Variants in DMD observed in about 807,000 individuals in gnomAD.
The protein encoded by DMD is dystrophin.
Under a neutral mutation model 330.1 loss-of-function variants are expected in DMD, and 63 were observed. The observed-to-expected ratio is 0.19, with a 90% CI of 0.16 to 0.24. The LOEUF (loss-of-function observed/expected upper bound fraction) is 0.24. DMD is among the 10% of genes least tolerant of loss of function. The probability of loss-of-function intolerance (pLI) is 1.00; values close to 1 mark genes in which losing one functional copy is unlikely to be tolerated. For synonymous variants in DMD, 1,223 were observed against 959.8 expected, an observed-to-expected ratio of 1.27 and a Z score of -5.07; for missense variants, 3,344 against 2,684.1, an observed-to-expected ratio of 1.25 and a Z score of -5.43.
chrX:32,560,754 G>A (rs1371031155), intron 16 of DMD, among the ~76,000 whole-genome samples: 1 of 111,789 alleles, frequency 8.9e-6, no homozygotes, highest in Non-Finnish European at 1.9e-5. Flanking sequence ...CCATGTCTCT[G>A]CAAAGGACAT....
intron 50 of DMD, among the ~76,000 whole-genome samples, chrX:31,776,968 T>C (rs918542627): frequency 7.1e-5 from 8 of 111,921 alleles, no homozygotes; most frequent in Non-Finnish European, 1.3e-4. Flanking sequence ...AGAACATCTA[T>C]CTGTACACTG....
chrX:31,914,773 T>A (rs1421912754), intron 47 of DMD, among the ~76,000 whole-genome samples: 3 of 111,925 alleles, frequency 2.7e-5, no homozygotes, highest in African/African-American at 9.8e-5. Context: ...GCGGGATGGT[T>A]AATGGGTACA....
chrX:31,946,894 G>C (rs1278214487), intron 45 of DMD, among the ~76,000 whole-genome samples: 1 of 109,798 alleles, frequency 9.1e-6, no homozygotes, highest in Admixed American at 9.7e-5. Context: ...TAGTTGCTAA[G>C]AAAATGCCAC....
chrX:32,571,892 A>G (rs1156962139), intron 15 of DMD, among the ~76,000 whole-genome samples: 2 of 110,955 alleles, frequency 1.8e-5, no homozygotes, highest in Non-Finnish European at 3.8e-5. Flanking sequence ...TTAATGCCCA[A>G]TGCTACTTAG....
intron 60 of DMD, among the ~76,000 whole-genome samples, chrX:31,412,594 T>A (rs1300476699): frequency 9.0e-6 from 1 of 111,641 alleles, no homozygotes; most frequent in East Asian, 2.8e-4. Context: ...AGCAGACATA[T>A]TGGACCATGT....
intron 1 of DMD, among the ~76,000 whole-genome samples, chrX:33,263,438 A>AAAATATAT (rs1557310310): frequency 2.9e-5 from 3 of 103,959 alleles, no homozygotes; most frequent in African/African-American, 1.0e-4. Flanking sequence ...CTTTTTAAAA[A>AAAATATAT]ATATATATAT....
At position 32,723,309 on chromosome X, in the gene DMD, T is replaced by A. The variant is rs923107386; in HGVS notation, c.650-24016A>T. On this transcript the variant is annotated intron_variant, in intron 7 of 78. Coordinates refer to ENST00000357033, the MANE Select transcript of DMD (RefSeq NM_004006.3). ...GGTCACGGTTTATAATCCAATGTGT[T>A]ATTTGTCTTGCTAATACTTTATTGA... is the stretch of plus-strand genomic sequence containing the variant. 4.5e-5 allele frequency among the ~76,000 whole-genome samples: 5 copies of A among 111,286 alleles called. No homozygotes were observed. In the Admixed American group the frequency reaches 4.8e-4, roughly 11 times the overall value.
chrX:32,146,253 C>T (rs2147113395), intron 44 of DMD, among the ~76,000 whole-genome samples: 1 of 111,514 alleles, frequency 9.0e-6, no homozygotes, highest in South Asian at 3.7e-4. Context: ...GTGTTATTAA[C>T]AACTATACAT....
In DMD at chrX:31,970,498, T is replaced by C. The variant is rs1378028091; in HGVS notation, c.6439-1984A>G. ...AAAAAAAAGCAAGGTGATCAACAAATGGTAGGCCAGAAGAGGGATGATCTC... is the reference window on the plus strand; with the variant it reads ...AAAAAAAAGCAAGGTGATCAACAAACGGTAGGCCAGAAGAGGGATGATCTC... On this transcript the variant is annotated intron_variant, in intron 44 of 78. Coordinates refer to ENST00000357033, the MANE Select transcript of DMD (RefSeq NM_004006.3). Among the ~76,000 whole-genome samples, 3 of 110,384 alleles carry C rather than the reference T, an allele frequency of 2.7e-5. No homozygotes were observed. The East Asian group carries it at 8.6e-4, about 32-fold the overall frequency.
intron 1 of DMD, among the ~76,000 whole-genome samples, chrX:33,130,792 C>A (rs1396638479): frequency 4.5e-5 from 5 of 111,101 alleles, no homozygotes; most frequent in Non-Finnish European, 7.5e-5. Flanking sequence ...CTCAGGTGAT[C>A]CGCCTGCCTC....
chrX:32,822,958 TTAAAA>T (rs2078396713), intron 5 of DMD, among the ~76,000 whole-genome samples: 1 of 111,675 alleles, frequency 9.0e-6, no homozygotes, highest in East Asian at 2.8e-4. Flanking sequence ...TTGGTAGTGA[TTAAAA>T]TAAAACATAC....
intron 62 of DMD, among the ~76,000 whole-genome samples, chrX:31,289,479 G>C (rs1283749545): frequency 9.1e-6 from 1 of 110,305 alleles, no homozygotes; most frequent in Non-Finnish European, 1.9e-5. Flanking sequence ...TGTTTTATTT[G>C]CTTAACATAA....
intron 54 of DMD, among the ~76,000 whole-genome samples, chrX:31,656,433 T>C (rs1416803936): frequency 1.8e-5 from 2 of 111,984 alleles, no homozygotes; most frequent in Non-Finnish European, 3.8e-5. Flanking sequence ...AAGAGTAGTA[T>C]AGATAGACTA....
At chrX:32,672,625 C>A (rs1013983245) in intron 9 of DMD, among the ~76,000 whole-genome samples, 1 of 110,563 alleles carries the variant, frequency 9.0e-6, no homozygotes, top group Admixed American at 9.8e-5. Context: ...ACATTTTATG[C>A]TTTAACACAG....
At chrX:32,257,983 C>T (rs771299033) in intron 43 of DMD, among the ~76,000 whole-genome samples, 7 of 102,074 alleles carry the variant, frequency 6.9e-5, no homozygotes, top group African/African-American at 2.5e-4. Context: ...AAAAAAAAAA[C>T]CCATCAGAAA....
chrX:31,247,736 G>A (rs2048975609), intron 63 of DMD, among the ~76,000 whole-genome samples: 1 of 111,666 alleles, frequency 9.0e-6, no homozygotes, highest in South Asian at 3.8e-4. Context: ...ATGGATGACT[G>A]TCAGGGGTTC....
intron 13 of DMD, among the ~76,000 whole-genome samples, chrX:32,593,570 C>G (rs808548): frequency 0.33 from 36,588 of 109,940 alleles, 4,548 homozygotes; most frequent in South Asian, 0.6. Flanking sequence ...CCAAGGAAGG[C>G]AGTAGGCTCT....
At chrX:31,298,800 T>G (rs1295807165) in intron 62 of DMD, among the ~76,000 whole-genome samples, 1 of 111,668 alleles carries the variant, frequency 9.0e-6, no homozygotes, top group Non-Finnish European at 1.9e-5. Flanking sequence ...GAAATTTAGC[T>G]AGTATACTAG....
Position 31,773,991 on chromosome X carries a change from T to C in DMD, c.7511A>G (p.Glu2504Gly). The C allele has an allele frequency of 8.3e-7, 1 of 1,210,169 alleles. No homozygotes were observed. Among genetic ancestry groups the C allele is most frequent in the East Asian group, 3.0e-5 (1 of 33,792 alleles). ...KSQRVMVGDL[E>G]DINEMIIKQK... ...CTTGATGATCATCTCGTTGATATCC[T>C]CAAGGTCACCCACCATCACCCTCTG... The change falls in exon 51 of 79, where the codon GAG (glutamate) becomes GGG (glycine). Residue 2504 changes from glutamate (E) to glycine (G), a missense_variant. Transcript: ENST00000357033.
Sources: gnomAD v4.1 joint callset for allele counts (sites outside exome capture counted in the v4.1 genomes callset) on GRCh38, gnomAD v4.1.1 for gene constraint, MANE v1.5 for transcripts, NCBI Gene and HGNC (gene_info 2026-07-23, HGNC 2026-07-21) for gene names.